Variants in KDM4C observed in about 807,000 individuals in gnomAD.
The protein encoded by KDM4C is lysine demethylase 4C.
Under a neutral mutation model 129.3 loss-of-function variants are expected in KDM4C, and 81 were observed. That is an observed-to-expected ratio of 0.63 (90% CI 0.52 to 0.75). The LOEUF (loss-of-function observed/expected upper bound fraction) is 0.75, where lower values mean the gene tolerates loss of function less well. KDM4C is among the 30% of genes least tolerant of loss of function. The pLI, the probability that KDM4C is intolerant of heterozygous loss-of-function variation, is 0.00. For synonymous variants in KDM4C, 573 were observed against 456.1 expected (o/e 1.26, Z -3.26); for missense variants, 1,457 against 1,304.0 (o/e 1.12, Z -1.81).
chr9:7,158,706 C>G (rs909773816), intron 19 of KDM4C, among the ~76,000 whole-genome samples: 1 of 152,192 alleles, frequency 6.6e-6, no homozygotes, highest in Non-Finnish European at 1.5e-5. Context: ...GTCTGAGAGA[C>G]AGTTTACAGT....
intron 9 of KDM4C, chr9:6,982,192 A>T (rs1816883076): frequency 6.6e-6 from 1 of 151,222 alleles, no homozygotes; most frequent in Non-Finnish European, 1.5e-5. Flanking sequence ...ATCTTTGCCC[A>T]GACTTATGAT....
chr9:6,847,557 A>AT lies in KDM4C; in HGVS notation c.436-1944dup, dbSNP rs1448965154. The stretch of plus-strand genomic sequence containing the variant: ...AGACGCCCGCCACCAGGCCTGGCTA[A>AT]TTTTTTGTATTTTTAGTAGAGACAG... On this transcript the variant is annotated intron_variant, in intron 4 of 21. Coordinates refer to ENST00000381309, the MANE Select transcript of KDM4C (RefSeq NM_015061.6). Among the ~76,000 whole-genome samples, 42 of 152,118 alleles carry AT rather than the reference A, an allele frequency of 2.8e-4. 1 individual carries two copies. Among genetic ancestry groups the AT allele is most frequent in the African/African-American group, 9.6e-4 (40 of 41,514 alleles).
Position 6,910,424 on chromosome 9 carries a change from G to A in KDM4C, c.921+17192G>A, listed in dbSNP as rs151288575. On this transcript the variant is annotated intron_variant, in intron 8 of 21. Transcript: ENST00000381309. ...TTAGAGAAAATTAAAGCACTGAGAGGCACAATTGTGGGTCCCTCCACACCA... is the reference window on the plus strand; with the variant it reads ...TTAGAGAAAATTAAAGCACTGAGAGACACAATTGTGGGTCCCTCCACACCA... Among the ~76,000 whole-genome samples, 292 of 152,172 alleles carry A rather than the reference G, an allele frequency of 1.9e-3. 2 individuals carry two copies. Among genetic ancestry groups the A allele is most frequent in the Non-Finnish European group, 2.6e-3 (180 of 68,024 alleles).
chr9:7,050,778 C>T (rs1253365159), intron 17 of KDM4C, among the ~76,000 whole-genome samples: 1 of 152,140 alleles, frequency 6.6e-6, no homozygotes, highest in Non-Finnish European at 1.5e-5. Flanking sequence ...AAAGATTTAA[C>T]GTTACCCACA....
chr9:6,738,864 C>T (rs1817604997), intron 1 of KDM4C, among the ~76,000 whole-genome samples: 1 of 151,196 alleles, frequency 6.6e-6, no homozygotes, highest in African/African-American at 2.4e-5. Context: ...GGATTACAGG[C>T]ATGAGCTATC....
chr9:7,108,611 A>T (rs1179274724), intron 18 of KDM4C, among the ~76,000 whole-genome samples: 1 of 152,134 alleles, frequency 6.6e-6, no homozygotes, highest in African/African-American at 2.4e-5. Context: ...TCCTGTCCTC[A>T]TGAGGCATGG....
chr9:6,743,869 G>A (rs1001264378), intron 1 of KDM4C, among the ~76,000 whole-genome samples: 3 of 151,944 alleles, frequency 2.0e-5, no homozygotes, highest in Non-Finnish European at 4.4e-5. Flanking sequence ...TGTTGGGGTG[G>A]GGGACACCTG....
At chr9:6,898,229 T>C (rs555212144) in intron 8 of KDM4C, among the ~76,000 whole-genome samples, 1 of 152,232 alleles carries the variant, frequency 6.6e-6, no homozygotes, top group East Asian at 1.9e-4. Context: ...AGATATTTTG[T>C]GTTTGTGTTT....
chr9:6,774,416 G>A (rs1050543007), intron 1 of KDM4C, among the ~76,000 whole-genome samples: 1 of 152,054 alleles, frequency 6.6e-6, no homozygotes, highest in African/African-American at 2.4e-5. Context: ...TGTAATCCCA[G>A]CACTTTGGGA....
At chr9:7,119,141 C>G (rs3802400) in intron 18 of KDM4C, among the ~76,000 whole-genome samples, 2 of 151,876 alleles carry the variant, frequency 1.3e-5, no homozygotes, top group Non-Finnish European at 2.9e-5. Flanking sequence ...ATTTTAGCTT[C>G]CATAACTTAA....
intron 4 of KDM4C, among the ~76,000 whole-genome samples, chr9:6,830,624 A>G (rs1022987370): frequency 2.6e-5 from 4 of 152,248 alleles, no homozygotes; most frequent in Admixed American, 2.0e-4. Flanking sequence ...ATGATGAAGT[A>G]TAGTTTAATA....
intron 17 of KDM4C, among the ~76,000 whole-genome samples, chr9:7,094,613 C>T (rs1242382404): frequency 1.3e-5 from 2 of 152,188 alleles, no homozygotes; most frequent in Non-Finnish European, 2.9e-5. Context: ...ACTGGACAGC[C>T]AGTGTCCATG....
At chr9:7,080,965 C>T (rs960739373) in intron 17 of KDM4C, among the ~76,000 whole-genome samples, 1 of 152,184 alleles carries the variant, frequency 6.6e-6, no homozygotes, top group African/African-American at 2.4e-5. Context: ...TAGTGATTCA[C>T]TTGTGTAAAT....
intron 4 of KDM4C, among the ~76,000 whole-genome samples, chr9:6,847,426 T>C (rs1168279782): frequency 6.6e-6 from 1 of 151,126 alleles, no homozygotes; most frequent in East Asian, 1.9e-4. Flanking sequence ...TGAGACGGAG[T>C]CTTGCTCTGT....
intron 2 of KDM4C, among the ~76,000 whole-genome samples, chr9:6,798,831 C>G (rs1333487781): frequency 1.3e-5 from 2 of 152,052 alleles, no homozygotes; most frequent in African/African-American, 2.4e-5. Flanking sequence ...CAGAGGCGCC[C>G]CTCACTTCTC....
intron 8 of KDM4C, among the ~76,000 whole-genome samples, chr9:6,972,782 T>TTA (rs1832222786): frequency 6.6e-6 from 1 of 152,258 alleles, no homozygotes. Context: ...TCATTTTGAT[T>TTA]TATTAGAATA....
intron 7 of KDM4C, among the ~76,000 whole-genome samples, chr9:6,891,160 G>A (rs1213087444): frequency 6.6e-6 from 1 of 152,174 alleles, no homozygotes; most frequent in Non-Finnish European, 1.5e-5. Context: ...GATGGTCTAG[G>A]TTAGGGATGA....
intron 19 of KDM4C, among the ~76,000 whole-genome samples, chr9:7,161,504 A>T (rs776600909): frequency 9.2e-5 from 14 of 152,182 alleles, no homozygotes; most frequent in Admixed American, 2.6e-4. Flanking sequence ...CCCCGAATGA[A>T]ATCTTACTCA....
At chr9:6,987,273 C>T (rs1442865946) in intron 11 of KDM4C, among the ~76,000 whole-genome samples, 1 of 152,130 alleles carries the variant, frequency 6.6e-6, no homozygotes, top group African/African-American at 2.4e-5. Context: ...CTTGTCCTGC[C>T]CCCTCCTCGA....
Sources: gnomAD v4.1 joint callset for allele counts (sites outside exome capture counted in the v4.1 genomes callset) on GRCh38, gnomAD v4.1.1 for gene constraint, MANE v1.5 for transcripts, NCBI Gene and HGNC (gene_info 2026-07-23, HGNC 2026-07-21) for gene names.